The following CDH13 variants were observed in gnomAD, a reference collection of about 807,000 sequenced individuals.
CDH13 encodes the protein cadherin-13.
CDH13 carries 24 observed loss-of-function variants against 63.8 expected under a neutral mutation model. The observed-to-expected ratio is 0.38, with a 90% CI of 0.27 to 0.53. The LOEUF (loss-of-function observed/expected upper bound fraction) is 0.53, where lower values mean the gene tolerates loss of function less well. CDH13 is among the 20% of genes least tolerant of loss of function. The pLI, the probability that CDH13 is intolerant of heterozygous loss-of-function variation, is 0.85. For missense variants in CDH13, 1,049 were observed against 903.1 expected, an observed-to-expected ratio of 1.16 and a Z score of -2.07; for synonymous variants, 503 against 355.3, an observed-to-expected ratio of 1.42 and a Z score of -4.67.
chr16:82,765,600 G>T (rs8058705), intron 1 of CDH13, among the ~76,000 whole-genome samples: 1 of 152,092 alleles, frequency 6.6e-6, no homozygotes, highest in African/African-American at 2.4e-5. Flanking sequence ...AAATCATGTG[G>T]CATAAAAGAG....
chr16:82,838,636 A>C (rs570223349), intron 1 of CDH13, among the ~76,000 whole-genome samples: 4 of 152,264 alleles, frequency 2.6e-5, no homozygotes, highest in South Asian at 2.1e-4. Flanking sequence ...TAATTTGAAA[A>C]AAACCTGGTT....
intron 7 of CDH13, among the ~76,000 whole-genome samples, chr16:83,498,008 C>G (rs1370364669): frequency 1.3e-5 from 2 of 152,322 alleles, no homozygotes; most frequent in South Asian, 2.1e-4. Context: ...CAGACAGACA[C>G]TTGGTAATTA....
At chr16:83,456,821 G>T (rs942985775) in intron 6 of CDH13, among the ~76,000 whole-genome samples, 1 of 152,124 alleles carries the variant, frequency 6.6e-6, no homozygotes, top group Non-Finnish European at 1.5e-5. Flanking sequence ...AATTAGCCAG[G>T]CATGGTGGCA....
intron 3 of CDH13, among the ~76,000 whole-genome samples, chr16:83,033,292 G>T (rs1238358419): frequency 6.6e-6 from 1 of 151,586 alleles, no homozygotes; most frequent in African/African-American, 2.4e-5. Context: ...ATATGTAATT[G>T]TTTACGGTTC....
At chr16:83,048,502 C>T (rs1467812300) in intron 3 of CDH13, among the ~76,000 whole-genome samples, 4 of 152,156 alleles carry the variant, frequency 2.6e-5, no homozygotes, top group Admixed American at 6.5e-5. Context: ...CCTTGAGCAC[C>T]ACTCTAAGGC....
chr16:82,745,290 C>G (rs187361563), intron 1 of CDH13, among the ~76,000 whole-genome samples: 1 of 152,080 alleles, frequency 6.6e-6, no homozygotes, highest in African/African-American at 2.4e-5. Context: ...CTTTCCCAAC[C>G]GAATGCATTA....
chr16:83,086,792 A>G lies in CDH13; in HGVS notation c.367-38593A>G, dbSNP rs145049348. On this transcript the variant is annotated intron_variant, in intron 3 of 13. Coordinates refer to ENST00000567109, the MANE Select transcript of CDH13 (RefSeq NM_001257.5). The stretch of plus-strand genomic sequence containing the variant: ...ACAAGCAATGGCAAAAACTGGGCAC[A>G]GTAAAATTTGCTGGAGATAGGAAAT... 7.6e-3 allele frequency among the ~76,000 whole-genome samples: 1,160 copies of G among 152,336 alleles called. 8 individuals are homozygous for G. Among genetic ancestry groups the G allele is most frequent in the Non-Finnish European group, 0.013 (852 of 68,026 alleles).
At chr16:83,696,327 G>A (rs796657767) in intron 10 of CDH13, among the ~76,000 whole-genome samples, 31 of 152,360 alleles carry the variant, frequency 2.0e-4, no homozygotes, top group African/African-American at 7.5e-4. Context: ...TTCTGTGTAA[G>A]ATGGGGTCTT....
intron 4 of CDH13, among the ~76,000 whole-genome samples, chr16:83,179,553 G>A (rs1032434523): frequency 1.3e-5 from 2 of 151,140 alleles, no homozygotes; most frequent in Non-Finnish European, 2.9e-5. Flanking sequence ...TCGGGAGGCT[G>A]AGGCAGGGGA....
chr16:83,468,527 G>T (rs2073374818), intron 6 of CDH13, among the ~76,000 whole-genome samples: 1 of 152,204 alleles, frequency 6.6e-6, no homozygotes, highest in African/African-American at 2.4e-5. Context: ...CCAGGAAATA[G>T]ATTTAGTGAG....
At chr16:83,546,959 C>T (rs966810773) in intron 7 of CDH13, among the ~76,000 whole-genome samples, 7 of 152,134 alleles carry the variant, frequency 4.6e-5, no homozygotes, top group South Asian at 2.1e-4. Context: ...AAACACGGAC[C>T]GGAAGGGACA....
chr16:83,381,954 C>T (rs1024887274), intron 6 of CDH13, among the ~76,000 whole-genome samples: 2 of 152,138 alleles, frequency 1.3e-5, no homozygotes, highest in African/African-American at 2.4e-5. Flanking sequence ...CCTCACTTAC[C>T]GAGGGCCTAG....
At chr16:83,291,701 G>A (rs1345601333) in intron 5 of CDH13, among the ~76,000 whole-genome samples, 1 of 152,026 alleles carries the variant, frequency 6.6e-6, no homozygotes, top group Non-Finnish European at 1.5e-5. Context: ...CAAAACCGGT[G>A]GAGATTAGAG....
chr16:83,735,388 C>T (rs1180168753), intron 10 of CDH13: 3 of 152,192 alleles, frequency 2.0e-5, no homozygotes. Flanking sequence ...ATTGCGTTTT[C>T]ACTTGTCATG....
intron 2 of CDH13, among the ~76,000 whole-genome samples, chr16:82,908,018 G>C (rs1036790818): frequency 1.2e-4 from 18 of 152,108 alleles, no homozygotes; most frequent in Non-Finnish European, 1.3e-4. Flanking sequence ...TGTTCTACCT[G>C]ATTTACAACA....
At position 83,333,589 on chromosome 16, in the gene CDH13, C is replaced by G. The variant is rs553899310; in HGVS notation, c.637-11273C>G. The stretch of plus-strand genomic sequence containing the variant: ...TCACCATACTCCCGCTAAGGTCTAA[C>G]AAAGCTTTGTTTAGTATTTCTACTT... On this transcript the variant is annotated intron_variant, in intron 5 of 13. Coordinates refer to ENST00000567109, the MANE Select transcript of CDH13 (RefSeq NM_001257.5). Among the ~76,000 whole-genome samples the G allele has an allele frequency of 1.5e-4, 23 of 152,270 alleles. No homozygotes were observed. The South Asian group carries it at 4.1e-3, about 27-fold the overall frequency.
intron 2 of CDH13, among the ~76,000 whole-genome samples, chr16:82,979,113 C>T (rs765823217): frequency 6.6e-6 from 1 of 152,214 alleles, no homozygotes. Flanking sequence ...TGCATGGGGC[C>T]TGTAGCTCCT....
At chr16:82,852,170 C>A (rs1013531592) in intron 1 of CDH13, among the ~76,000 whole-genome samples, 4 of 152,158 alleles carry the variant, frequency 2.6e-5, no homozygotes, top group African/African-American at 9.7e-5. Context: ...GCTTTGGAGA[C>A]AGTTGTGTCA....
chr16:83,350,569 A>G (rs1013463489), intron 6 of CDH13, among the ~76,000 whole-genome samples: 5 of 151,268 alleles, frequency 3.3e-5, no homozygotes, highest in Admixed American at 2.6e-4. Flanking sequence ...TTTTTTTTCC[A>G]TCCAGTATGC....
Sources: allele counts gnomAD v4.1 joint callset (sites outside exome capture counted in the v4.1 genomes callset), GRCh38; gene constraint gnomAD v4.1.1; transcripts MANE v1.5; gene names NCBI Gene and HGNC (gene_info 2026-07-23, HGNC 2026-07-21).